TRARG1: variants seen among roughly 807,000 people sequenced by gnomAD.
TRARG1 encodes the protein trafficking regulator of GLUT4 1.
A neutral mutation model predicts 13.3 loss-of-function variants in TRARG1; 16 were observed. That is an observed-to-expected ratio of 1.20 (90% CI 0.81 to 1.83). TRARG1 has a LOEUF of 1.83. TRARG1 is among the 40% of genes most tolerant of loss of function. TRARG1 has a pLI of 0.00. For missense variants in TRARG1, 250 were observed against 237.4 expected (o/e 1.05, Z -0.35); for synonymous variants, 113 against 106.2 (o/e 1.06, Z -0.39).
chr17:1,281,312 G>A (rs1397736950), intron 1 of TRARG1, among the ~76,000 whole-genome samples: 1 of 152,032 alleles, frequency 6.6e-6, no homozygotes, highest in Non-Finnish European at 1.5e-5. Flanking sequence ...TCAGAGTGAG[G>A]TCAGGGGCAG....
intron 1 of TRARG1, among the ~76,000 whole-genome samples, chr17:1,293,876 A>G (rs566985799): frequency 6.6e-6 from 1 of 152,136 alleles, no homozygotes; most frequent in African/African-American, 2.4e-5. Context: ...CAGCTCTGAC[A>G]CTCAGTTTCT....
intron 1 of TRARG1, among the ~76,000 whole-genome samples, chr17:1,288,588 C>T (rs111210203): frequency 3.7e-5 from 3 of 80,514 alleles, no homozygotes; most frequent in Middle Eastern, 8.3e-3. Flanking sequence ...ATGGGCTCCT[C>T]GTCCCCCTCC....
intron 2 of TRARG1, among the ~76,000 whole-genome samples, chr17:1,297,644 C>G (rs532809124): frequency 6.7e-6 from 1 of 148,566 alleles, no homozygotes; most frequent in South Asian, 2.1e-4. Context: ...TGCTCTGTCG[C>G]CCAGGCTAGA....
chr17:1,282,095 C>G (rs567740628), intron 1 of TRARG1, among the ~76,000 whole-genome samples: 1 of 107,148 alleles, frequency 9.3e-6, no homozygotes, highest in South Asian at 3.2e-4. Context: ...TACATATATA[C>G]GTATATGTGT....
chr17:1,295,167 G>C (rs1310137286), intron 1 of TRARG1, among the ~76,000 whole-genome samples: 1 of 152,202 alleles, frequency 6.6e-6, no homozygotes, highest in Non-Finnish European at 1.5e-5. Context: ...GCCTGGACCT[G>C]GTCCACCTTC....
intron 1 of TRARG1, among the ~76,000 whole-genome samples, chr17:1,281,050 A>G (rs914747914): frequency 3.9e-5 from 6 of 152,176 alleles, no homozygotes; most frequent in African/African-American, 1.4e-4. Flanking sequence ...CTGGGTCACA[A>G]GTGAAAAATG....
chr17:1,284,330 A>T (rs1598189070), intron 1 of TRARG1, among the ~76,000 whole-genome samples: 1 of 152,194 alleles, frequency 6.6e-6, no homozygotes, highest in South Asian at 2.1e-4. Flanking sequence ...GTCGTCTTCA[A>T]GCGTCATCCC....
chr17:1,294,602 G>A (rs2072097589), intron 1 of TRARG1, among the ~76,000 whole-genome samples: 1 of 151,254 alleles, frequency 6.6e-6, no homozygotes, highest in South Asian at 2.1e-4. Context: ...GAGTAGCTGG[G>A]ACTACAGGTG....
chr17:1,288,688 G>A (rs1257729320), intron 1 of TRARG1, among the ~76,000 whole-genome samples: 1 of 23,030 alleles, frequency 4.3e-5, no homozygotes, highest in African/African-American at 2.1e-4. Context: ...CACCCCCCAC[G>A]GGCTCCTCAT....
chr17:1,292,595 A>C (rs934395694), intron 1 of TRARG1, among the ~76,000 whole-genome samples: 4 of 152,072 alleles, frequency 2.6e-5, no homozygotes, highest in African/African-American at 9.7e-5. Flanking sequence ...GAACATCTAC[A>C]CATTTGCCAT....
At position 1,298,234 on chromosome 17, in the gene TRARG1, G is replaced by GTT. The variant is rs751515154; in HGVS notation, c.521-10_521-9dup. 3 of 1,613,116 alleles carry GTT rather than the reference G, an allele frequency of 1.9e-6. No homozygotes were observed. The African/African-American group carries it at 4.0e-5, about 22-fold the overall frequency. On this transcript the variant is annotated splice_polypyrimidine_tract_variant and intron_variant, in intron 2 of 2. Coordinates refer to ENST00000333813, the MANE Select transcript of TRARG1 (RefSeq NM_172367.3). ...TTCTGAGCCCTGTTCTGCCATATCT[G>GTT]TTTTTTTTCTTTACAGTTCAGAAGA...
chr17:1,297,827 A>G (rs2150813420), intron 2 of TRARG1, among the ~76,000 whole-genome samples: 1 of 151,698 alleles, frequency 6.6e-6, no homozygotes, highest in Non-Finnish European at 1.5e-5. Context: ...CTGGCCTCGA[A>G]CTCCTGACCT....
chr17:1,284,445 G>A (rs935277263), intron 1 of TRARG1, among the ~76,000 whole-genome samples: 15 of 152,192 alleles, frequency 9.9e-5, no homozygotes, highest in African/African-American at 3.1e-4. Flanking sequence ...AGGAGGGGTT[G>A]GAGGGGATGA....
chr17:1,286,541 G>GA (rs2072024485), intron 1 of TRARG1, among the ~76,000 whole-genome samples: 1 of 139,086 alleles, frequency 7.2e-6, no homozygotes. Flanking sequence ...TTGTTGGCCT[G>GA]TGGGTGTTGT....
chr17:1,292,561 C>T lies in TRARG1; in HGVS notation c.388-2930C>T, dbSNP rs578243117. Among the ~76,000 whole-genome samples the T allele has an allele frequency of 3.3e-5, 5 of 152,334 alleles. No homozygotes were observed. In the East Asian group the frequency reaches 7.7e-4, roughly 23 times the overall value. The stretch of plus-strand genomic sequence containing the variant: ...CTGACCTCCGTCCAGTCCCTCCTAC[C>T]TCCTCAGTCAGCGACTGTTTTTTGA... On this transcript the variant is annotated intron_variant, in intron 1 of 2. Transcript: ENST00000333813.
chr17:1,298,228 A>T, intron 2 of TRARG1, 23 bp from the exon 3 acceptor site: 1 of 1,613,728 alleles, frequency 6.2e-7, no homozygotes, highest in Non-Finnish European at 8.5e-7. Flanking sequence ...CTGTTCTGCC[A>T]TATCTGTTTT....
chr17:1,280,993 C>T (rs2071969064), intron 1 of TRARG1, among the ~76,000 whole-genome samples: 1 of 152,238 alleles, frequency 6.6e-6, no homozygotes, highest in Non-Finnish European at 1.5e-5. Flanking sequence ...CCCTCTGCAG[C>T]TCCACAGCTA....
rs1002404636 is a variant in TRARG1, at chr17:1,281,248, A to G, written c.387+860A>G. On this transcript the variant is annotated intron_variant, in intron 1 of 2. Coordinates refer to ENST00000333813, the MANE Select transcript of TRARG1 (RefSeq NM_172367.3). ...CAAGTGACTTTTGAAGTCCAGGAAG[A>G]AGCGAGAGTTATGAAAGGGTGGGGA... Among the ~76,000 whole-genome samples, 15 of 152,194 alleles carry G rather than the reference A, an allele frequency of 9.9e-5. 1 individual carries two copies. The highest frequency in any genetic ancestry group is 4.6e-4 in the Admixed American group (7 of 15,274).
intron 1 of TRARG1, among the ~76,000 whole-genome samples, chr17:1,281,321 A>G (rs1320365691): frequency 2.0e-5 from 3 of 151,960 alleles, no homozygotes; most frequent in African/African-American, 4.8e-5. Flanking sequence ...GGTCAGGGGC[A>G]GGGGGTAGAA....
Sources: allele counts gnomAD v4.1 joint callset (sites outside exome capture counted in the v4.1 genomes callset), GRCh38; gene constraint gnomAD v4.1.1; transcripts MANE v1.5; gene names NCBI Gene and HGNC (gene_info 2026-07-23, HGNC 2026-07-21).